The following ADAMTSL1 variants were observed in gnomAD, a reference collection of about 807,000 sequenced individuals.
ADAMTSL1 encodes ADAMTS like 1.
Under a neutral mutation model 201.8 loss-of-function variants are expected in ADAMTSL1, and 126 were observed. The ratio of observed to expected loss-of-function variants is 0.62; its 90% CI spans 0.54 to 0.72. The LOEUF (loss-of-function observed/expected upper bound fraction) is 0.72. ADAMTSL1 is among the 30% of genes least tolerant of loss of function. ADAMTSL1 has a pLI of 0.00. For synonymous variants in ADAMTSL1, 1,121 were observed against 903.4 expected (o/e 1.24, Z -4.32); for missense variants, 2,679 against 2,277.8 (o/e 1.18, Z -3.59).
intron 26 of ADAMTSL1, among the ~76,000 whole-genome samples, chr9:18,901,179 G>A (rs1829997668): frequency 6.6e-6 from 1 of 151,332 alleles, no homozygotes. Flanking sequence ...ATAAAGTACA[G>A]AAAGAAAAAA....
chr9:18,123,689 C>T (rs545416086), intron 1 of ADAMTSL1, among the ~76,000 whole-genome samples: 1 of 152,100 alleles, frequency 6.6e-6, no homozygotes, highest in Non-Finnish European at 1.5e-5. Flanking sequence ...CAGAGTTGTA[C>T]AGACGTCGAC....
At chr9:17,968,259 T>C (rs114183930) in intron 1 of ADAMTSL1, among the ~76,000 whole-genome samples, 1,874 of 152,236 alleles carry the variant, frequency 0.012, 43 homozygotes, top group African/African-American at 0.042. Context: ...ATTGTGCCAC[T>C]AGCAGTTCCC....
At chr9:18,033,573 C>T (rs558980937) in intron 1 of ADAMTSL1, among the ~76,000 whole-genome samples, 9 of 152,262 alleles carry the variant, frequency 5.9e-5, no homozygotes, top group African/African-American at 1.7e-4. Flanking sequence ...GCCTGTTTCC[C>T]GGAGGCAAGA....
intron 2 of ADAMTSL1, among the ~76,000 whole-genome samples, chr9:18,294,617 G>A (rs897581537): frequency 1.3e-5 from 2 of 152,168 alleles, no homozygotes; most frequent in South Asian, 4.1e-4. Context: ...AACTGAGTGG[G>A]AAGGGAAAAT....
intron 2 of ADAMTSL1, among the ~76,000 whole-genome samples, chr9:18,190,566 C>A (rs1187294007): frequency 1.3e-5 from 2 of 152,160 alleles, no homozygotes; most frequent in African/African-American, 4.8e-5. Context: ...GATAATTCAG[C>A]TATTTACAAG....
chr9:18,724,099 T>C (rs1465999875), intron 15 of ADAMTSL1, among the ~76,000 whole-genome samples: 1 of 152,204 alleles, frequency 6.6e-6, no homozygotes, highest in South Asian at 2.1e-4. Context: ...TGTGCTGCTA[T>C]GCATGTGTTT....
chr9:18,403,427 GC>G (rs1414560628), intron 2 of ADAMTSL1, among the ~76,000 whole-genome samples: 1 of 151,954 alleles, frequency 6.6e-6, no homozygotes, highest in African/African-American at 2.4e-5. Context: ...CAGGTGATCT[GC>G]CTGTCTCAGC....
chr9:18,212,190 G>C (rs747320789), intron 2 of ADAMTSL1, among the ~76,000 whole-genome samples: 15 of 152,244 alleles, frequency 9.9e-5, no homozygotes, highest in Middle Eastern at 3.4e-3. Context: ...CTGAAAAAAA[G>C]GAAGACTTAC....
At chr9:18,499,783 G>A (rs946724852) in intron 1 of ADAMTSL1, among the ~76,000 whole-genome samples, 1 of 152,114 alleles carries the variant, frequency 6.6e-6, no homozygotes, top group Non-Finnish European at 1.5e-5. Flanking sequence ...TACTTCTGAC[G>A]ATCTGTTGAC....
At chr9:18,612,242 A>G (rs1825424357) in intron 4 of ADAMTSL1, among the ~76,000 whole-genome samples, 4 of 152,316 alleles carry the variant, frequency 2.6e-5, no homozygotes, top group Admixed American at 2.6e-4. Flanking sequence ...CTCTCAGATT[A>G]CAGTGTTATA....
rs560655917 is a variant in ADAMTSL1, at chr9:18,056,637, A to G, written c.88-107225A>G. Among the ~76,000 whole-genome samples the G allele has an allele frequency of 2.1e-3, 314 of 152,322 alleles. 2 individuals are homozygous for G. Among genetic ancestry groups the G allele is most frequent in the African/African-American group, 7.3e-3 (305 of 41,560 alleles). ...GAGACTTAGATAGTTGAAAACTACAAATCTCAACATGGCAAGCATTCAGAG... is the reference window on the plus strand; with the variant it reads ...GAGACTTAGATAGTTGAAAACTACAGATCTCAACATGGCAAGCATTCAGAG... On this transcript the variant is annotated intron_variant, in intron 1 of 29. Coordinates refer to the ADAMTSL1 transcript ENST00000680146.
chr9:17,993,790 CA>C (rs1214465661), intron 1 of ADAMTSL1, among the ~76,000 whole-genome samples: 1 of 152,102 alleles, frequency 6.6e-6, no homozygotes, highest in Non-Finnish European at 1.5e-5. Context: ...TTGGCATTTA[CA>C]AATTTCCTTT....
intron 2 of ADAMTSL1, among the ~76,000 whole-genome samples, chr9:18,314,596 G>A (rs950307835): frequency 6.6e-6 from 1 of 151,852 alleles, no homozygotes; most frequent in African/African-American, 2.4e-5. Flanking sequence ...CCTCCCAGTG[G>A]GTTCATGGTC....
At chr9:18,009,826 T>C (rs1393849755) in intron 1 of ADAMTSL1, among the ~76,000 whole-genome samples, 1 of 152,032 alleles carries the variant, frequency 6.6e-6, no homozygotes, top group Non-Finnish European at 1.5e-5. Flanking sequence ...CACGAAGCAA[T>C]TCTGCTTGTT....
In ADAMTSL1 at chr9:18,651,910, T is replaced by TTA. The variant is rs144354985; in HGVS notation, c.835-5715_835-5714dup. The stretch of plus-strand genomic sequence containing the variant: ...ATGGGAATTTATTAAGTTTATAAAA[T>TTA]TATATATATATATATTTCCTTCATT... On this transcript the variant is annotated intron_variant, in intron 7 of 28. Coordinates refer to ENST00000380548, the MANE Select transcript of ADAMTSL1 (RefSeq NM_001040272.6). Among the ~76,000 whole-genome samples the TTA allele has an allele frequency of 7.0e-3, 1,058 of 150,080 alleles. 18 individuals are homozygous for TTA. Among genetic ancestry groups the TTA allele is most frequent in the African/African-American group, 0.023 (927 of 41,164 alleles).
chr9:18,713,477 C>A (rs1832732360), intron 14 of ADAMTSL1, among the ~76,000 whole-genome samples: 1 of 151,916 alleles, frequency 6.6e-6, no homozygotes, highest in South Asian at 2.1e-4. Flanking sequence ...GACTTTAAAC[C>A]AACAAAGATC....
At chr9:18,400,602 T>C (rs748021814) in intron 2 of ADAMTSL1, among the ~76,000 whole-genome samples, 7 of 152,240 alleles carry the variant, frequency 4.6e-5, no homozygotes, top group Non-Finnish European at 7.3e-5. Context: ...GTACATAGAA[T>C]ACGTTTCGAA....
At chr9:18,830,162 A>G (rs1305547510) in intron 23 of ADAMTSL1, among the ~76,000 whole-genome samples, 185 bp downstream of exon 23, 1 of 152,204 alleles carries the variant, frequency 6.6e-6, no homozygotes, top group African/African-American at 2.4e-5. Context: ...AGGTGAATGC[A>G]GTTGTTAGTC....
intron 1 of ADAMTSL1, among the ~76,000 whole-genome samples, chr9:18,023,151 T>TAC (rs1820549856): frequency 1.4e-5 from 2 of 145,000 alleles, no homozygotes; most frequent in South Asian, 4.4e-4. Flanking sequence ...TATATATATG[T>TAC]ATATGTATGT....
Sources: gnomAD v4.1 joint callset for allele counts (sites outside exome capture counted in the v4.1 genomes callset) on GRCh38, gnomAD v4.1.1 for gene constraint, MANE v1.5 for transcripts, NCBI Gene and HGNC (gene_info 2026-07-23, HGNC 2026-07-21) for gene names.